LRRC37A2: variants seen among roughly 807,000 people sequenced by gnomAD.
LRRC37A2 encodes leucine rich repeat containing 37 member A2, also known as leucine-rich repeat-containing protein 37A2.
In LRRC37A2, 9 loss-of-function variants were observed where a neutral mutation model predicts 68.8. That is an observed-to-expected ratio of 0.13 (90% CI 0.08 to 0.23). The LOEUF (loss-of-function observed/expected upper bound fraction) is 0.23. Among genes scored for constraint, LRRC37A2 ranks in the 10% least tolerant of loss-of-function variants. LRRC37A2 has a pLI of 1.00. For missense variants in LRRC37A2, 168 were observed against 950.4 expected, an observed-to-expected ratio of 0.18 and a Z score of 10.82; for synonymous variants, 63 against 367.6, an observed-to-expected ratio of 0.17 and a Z score of 9.48.
the LRRC37A2 span, among the ~76,000 whole-genome samples, chr17:46,897,473 T>A: frequency 1.3e-5 from 2 of 152,016 alleles, no homozygotes; most frequent in South Asian, 4.2e-4. Context: ...CACCCAGAGC[T>A]GCCATAAACT....
At chr17:46,908,281 C>T in the LRRC37A2 span, among the ~76,000 whole-genome samples, 4 of 151,660 alleles carry the variant, frequency 2.6e-5, no homozygotes, top group East Asian at 7.9e-4. Context: ...GGGAAGGGGG[C>T]CTCTGAGGGA....
the LRRC37A2 span, chr17:46,764,397 C>T: frequency 6.6e-6 from 1 of 152,644 alleles, no homozygotes; most frequent in African/African-American, 2.4e-5. Flanking sequence ...AAGCCCCCTT[C>T]TTTAAAAACC....
At chr17:46,929,279 T>C in the LRRC37A2 span, among the ~76,000 whole-genome samples, 1 of 152,228 alleles carries the variant, frequency 6.6e-6, no homozygotes, top group Non-Finnish European at 1.5e-5. Flanking sequence ...GTTATTGATT[T>C]GGCAGAGTAT....
the LRRC37A2 span, among the ~76,000 whole-genome samples, chr17:46,917,526 T>C: frequency 5.3e-5 from 8 of 152,238 alleles, no homozygotes; most frequent in African/African-American, 1.9e-4. Flanking sequence ...CTACAGCCTT[T>C]CTAGGCTCGG....
At chr17:47,041,952 G>A in the LRRC37A2 span, 1 of 53,926 alleles carries the variant, frequency 1.9e-5, no homozygotes, top group African/African-American at 5.1e-5. Flanking sequence ...CATCAGTATG[G>A]TGACCTCCCG....
At chr17:46,757,471 G>T in the LRRC37A2 span, 1 of 152,612 alleles carries the variant, frequency 6.6e-6, no homozygotes, top group African/African-American at 2.4e-5. Context: ...AAAATGTTCT[G>T]TAGACCAGTG....
chr17:46,955,329 C>A, the LRRC37A2 span, among the ~76,000 whole-genome samples: 910 of 151,180 alleles, frequency 6.0e-3, 4 homozygotes, highest in African/African-American at 0.021. Context: ...TATTGATTTT[C>A]GTATGTTGAA....
At chr17:46,733,655 C>T in the LRRC37A2 span, among the ~76,000 whole-genome samples, 2 of 152,170 alleles carry the variant, frequency 1.3e-5, no homozygotes, top group Non-Finnish European at 2.9e-5. Flanking sequence ...TGAGGCCACT[C>T]ACAACTGGCC....
At chr17:46,747,960 A>G in the LRRC37A2 span, among the ~76,000 whole-genome samples, 2 of 152,234 alleles carry the variant, frequency 1.3e-5, no homozygotes, top group Non-Finnish European at 2.9e-5. Context: ...TAGTTTTCAA[A>G]TTGCAGAACA....
At chr17:46,836,620 C>T in the LRRC37A2 span, among the ~76,000 whole-genome samples, 1 of 152,172 alleles carries the variant, frequency 6.6e-6, no homozygotes, top group Non-Finnish European at 1.5e-5. Flanking sequence ...CAGCACAGTG[C>T]CTCTCACTTG....
At chr17:46,501,827 C>T in the LRRC37A2 span, among the ~76,000 whole-genome samples, 4 of 151,252 alleles carry the variant, frequency 2.6e-5, no homozygotes, top group Non-Finnish European at 4.4e-5. Flanking sequence ...TATTCCATTT[C>T]TCATTGAATT....
the LRRC37A2 span, among the ~76,000 whole-genome samples, chr17:46,861,301 C>A: frequency 6.6e-6 from 1 of 152,248 alleles, no homozygotes; most frequent in South Asian, 2.1e-4. Flanking sequence ...TAGTAGAGAC[C>A]TCGGGGCCCT....
chr17:46,718,939 T>C, the LRRC37A2 span, among the ~76,000 whole-genome samples: 12 of 152,340 alleles, frequency 7.9e-5, no homozygotes, highest in Admixed American at 7.8e-4. Context: ...ATTGTAAAGA[T>C]TTTTGATACA....
At chr17:46,966,246 ATGTAAT>A in the LRRC37A2 span, among the ~76,000 whole-genome samples, 1 of 152,242 alleles carries the variant, frequency 6.6e-6, no homozygotes, top group Non-Finnish European at 1.5e-5. Context: ...CATTTAAAAA[ATGTAAT>A]TGAGAGTATG....
At chr17:46,786,047 T>C in the LRRC37A2 span, among the ~76,000 whole-genome samples, 92,073 of 147,126 alleles carry the variant, frequency 0.63, 32,594 homozygotes, top group East Asian at 0.98. Flanking sequence ...GTGCTTTTTC[T>C]TTCTTTCTTA....
chr17:46,933,512 G>A, the LRRC37A2 span: 1 of 152,170 alleles, frequency 6.6e-6, no homozygotes, highest in African/African-American at 2.4e-5. Flanking sequence ...TAAAGCACAT[G>A]ATGAAATTAA....
the LRRC37A2 span, chr17:46,751,458 T>C: frequency 7.6e-7 from 1 of 1,320,662 alleles, no homozygotes; most frequent in African/African-American, 1.4e-5. Flanking sequence ...AATGTTGATG[T>C]GTTCACTGTA....
exon 10 of LRRC37A2, chr17:46,548,938 C>G: frequency 6.2e-7 from 1 of 1,612,548 alleles, no homozygotes; most frequent in Non-Finnish European, 8.5e-7. Flanking sequence ...AGCCCTACCA[C>G]AGGTGAGAGA....
At chr17:46,841,369 C>T in the LRRC37A2 span, among the ~76,000 whole-genome samples, 2 of 152,200 alleles carry the variant, frequency 1.3e-5, no homozygotes, top group Non-Finnish European at 2.9e-5. Context: ...TGCTGTGAGG[C>T]TTCCCGGTGG....
Sources: gnomAD v4.1 joint callset for allele counts (sites outside exome capture counted in the v4.1 genomes callset) on GRCh38, gnomAD v4.1.1 for gene constraint, MANE v1.5 for transcripts, NCBI Gene and HGNC (gene_info 2026-07-23, HGNC 2026-07-21) for gene names.